Variants in LTV1 observed in about 807,000 individuals in gnomAD.
LTV1 encodes the protein LTV1 ribosome biogenesis factor, also known as protein LTV1 homolog.
Under a neutral mutation model 59.9 loss-of-function variants are expected in LTV1, and 39 were observed. The ratio of observed to expected loss-of-function variants is 0.65; its 90% CI spans 0.50 to 0.85. The LOEUF (loss-of-function observed/expected upper bound fraction) is 0.85, where lower values mean the gene tolerates loss of function less well. Among genes scored for constraint, LTV1 ranks in the 40% least tolerant of loss-of-function variants. LTV1 has a pLI of 0.00. For synonymous variants in LTV1, 171 were observed against 189.5 expected (o/e 0.90, Z 0.80); for missense variants, 493 against 549.1 (o/e 0.90, Z 1.02).
chr6:143,861,553 G>A (rs1362065653), intron 7 of LTV1, among the ~76,000 whole-genome samples: 1 of 152,162 alleles, frequency 6.6e-6, no homozygotes, highest in Non-Finnish European at 1.5e-5. Flanking sequence ...GAAATGCCAG[G>A]TGTTCTGAGA....
chr6:143,848,722 G>A lies in LTV1; in HGVS notation c.310-1409G>A, dbSNP rs186425557. On this transcript the variant is annotated intron_variant, in intron 3 of 10. Coordinates refer to ENST00000367576, the MANE Select transcript of LTV1 (RefSeq NM_032860.5). ...AGCACATGTTTGAGTAGATTGCAGC[G>A]TGTGAAGAAGGCGGGAAGTTCACAC... is the stretch of plus-strand genomic sequence containing the variant. 6.6e-4 allele frequency among the ~76,000 whole-genome samples: 100 copies of A among 152,312 alleles called. 2 individuals are homozygous for A. Among genetic ancestry groups the A allele is most frequent in the African/African-American group, 2.0e-3 (84 of 41,566 alleles).
In LTV1 at chr6:143,863,383, G is replaced by C. The variant is rs1777206770; in HGVS notation, c.1318-34G>C. 1 of 1,592,900 alleles carries C rather than the reference G, an allele frequency of 6.3e-7. No homozygotes were observed. Among genetic ancestry groups the C allele is most frequent in the African/African-American group, 1.3e-5 (1 of 74,294 alleles). On this transcript the variant is annotated intron_variant, in intron 10 of 10. Coordinates refer to ENST00000367576, the MANE Select transcript of LTV1 (RefSeq NM_032860.5). This position sits in a 1 kb window ranked among gnomAD's most constrained non-coding sequence, Gnocchi z 4.5. ...GCAGTCTGTATCAGTTTAAAGATGT[G>C]AATAATACAAGTATATTCTTGTACT... is the stretch of plus-strand genomic sequence containing the variant.
chr6:143,845,936 C>G, intron 2 of LTV1, 115 bp from the exon 3 acceptor site: 1 of 898,902 alleles, frequency 1.1e-6, no homozygotes, highest in Non-Finnish European at 1.6e-6. Flanking sequence ...CCATCTGCCT[C>G]CTACTTGGAA....
intron 4 of LTV1, among the ~76,000 whole-genome samples, chr6:143,853,187 CTTGTAAG>C (rs2128491486): frequency 6.6e-6 from 1 of 152,264 alleles, no homozygotes; most frequent in Non-Finnish European, 1.5e-5. Context: ...CTTCACATCC[CTTGTAAG>C]TTGGATTCCT....
intron 2 of LTV1, 91 bp downstream of exon 2, chr6:143,844,708 T>C (rs566892232): frequency 7.4e-7 from 1 of 1,359,904 alleles, no homozygotes; most frequent in Admixed American, 2.5e-5. Context: ...TCTTAGCACG[T>C]TGCCCAGGCT....
At position 143,860,460 on chromosome 6, in the gene LTV1, C is replaced by A. The variant is rs1777143575; in HGVS notation, c.830C>A (p.Ala277Asp). The A allele has an allele frequency of 6.2e-7, 1 of 1,613,108 alleles. No individual in the cohort carries two copies. The highest frequency in any genetic ancestry group is 8.5e-7 in the Non-Finnish European group (1 of 1,179,580). Residue 277 changes from alanine to aspartate, a missense_variant, in exon 7 of 11, where the codon GCT becomes GAT. Ala to Asp is a moderately radical substitution (Grantham distance 126). Coordinates refer to ENST00000367576, the MANE Select transcript of LTV1 (RefSeq NM_032860.5). ...CAATATGATGATGATGAAATTGGAG[C>A]TCTGGATAATGCAGAATTGGAAGGT... ...YEQYDDDEIG[A>D]LDNAELEGSI...
Position 143,862,315 on chromosome 6 carries a change from C to T in LTV1, c.1063+72C>T. On this transcript the variant is annotated intron_variant, in intron 8 of 10. Coordinates refer to ENST00000367576, the MANE Select transcript of LTV1 (RefSeq NM_032860.5). This position sits in a 1 kb window ranked among gnomAD's most constrained non-coding sequence, Gnocchi z 4.2. ...ATCAACTTTAGGCTGGGTGCGGTGC[C>T]TCACGCCTGTAGTAATCCCAGCACT... 5.8e-6 allele frequency: 8 copies of T among 1,383,426 alleles called. No homozygotes were observed. The Admixed American group carries it at 7.4e-5, about 13-fold the overall frequency. The allele number at this position is 1,383,426 out of a possible 1,614,324, so 85.7% of individuals were successfully genotyped here. A position where few individuals can be genotyped will look rare whatever the true frequency, so the allele number is the denominator to read the frequency against.
Position 143,844,474 on chromosome 6 carries a change from G to C in LTV1, c.4-12G>C. The C allele has an allele frequency of 6.2e-7, 1 of 1,612,212 alleles. No homozygotes were observed. Among genetic ancestry groups the C allele is most frequent in the Non-Finnish European group, 8.5e-7 (1 of 1,179,058 alleles). Reference sequence around the variant, plus strand: ...TGTTTTAATTAATTGTTGTGATTTTGTTCCTTTGAAGCCTCACAGGAAGAA... The same window carrying C: ...TGTTTTAATTAATTGTTGTGATTTTCTTCCTTTGAAGCCTCACAGGAAGAA... On this transcript the variant is annotated splice_polypyrimidine_tract_variant and intron_variant, in intron 1 of 10. Transcript: ENST00000367576.
rs891655422 is a variant in LTV1, at chr6:143,857,006, C to T, written c.398-297C>T. The stretch of plus-strand genomic sequence containing the variant: ...TCTCTTCAGAGCCGGCAGGCAGGAA[C>T]GTTTGAGTCTGCTGAAGCTGTGCCC... On this transcript the variant is annotated intron_variant, in intron 4 of 10. Coordinates refer to ENST00000367576, the MANE Select transcript of LTV1 (RefSeq NM_032860.5). The surrounding 1 kb of genome is among the most constrained non-coding windows in gnomAD (Gnocchi z 5.2). Among the ~76,000 whole-genome samples the T allele has an allele frequency of 2.0e-5, 3 of 152,150 alleles. No individual in the cohort carries two copies. The highest frequency in any genetic ancestry group is 7.2e-5 in the African/African-American group (3 of 41,448).
At position 143,860,438 on chromosome 6, in the gene LTV1, TATG is replaced by T. The variant is rs1254616943; in HGVS notation, c.819_821del (p.Asp273del). 4.3e-6 allele frequency: 7 copies of T among 1,613,100 alleles called. No homozygotes were observed. Among genetic ancestry groups the T allele is most frequent in the Non-Finnish European group, 4.2e-6 (5 of 1,179,558 alleles). On this transcript the variant is annotated inframe_deletion, in exon 7 of 11. Coordinates refer to ENST00000367576, the MANE Select transcript of LTV1 (RefSeq NM_032860.5). ...GTTTATATTCAAGTTTTATGAGCAA[TATG>T]ATGATGATGAAATTGGAGCTCTGGA...
intron 7 of LTV1, 136 bp downstream of exon 7, chr6:143,860,689 G>A: frequency 1.4e-6 from 1 of 723,586 alleles, no homozygotes; most frequent in Non-Finnish European, 2.0e-6. Flanking sequence ...AATGAAAAAG[G>A]AAAAAAGAAA....
rs926401385 is a variant in LTV1, at chr6:143,855,237, G to C, written c.398-2066G>C. ...GTGTTTTTTGATCTTTGTTGGTTTA[G>C]AGTCTGTTTTATCAGAGACTAGGAT... On this transcript the variant is annotated intron_variant, in intron 4 of 10. Coordinates refer to ENST00000367576, the MANE Select transcript of LTV1 (RefSeq NM_032860.5). The surrounding 1 kb of genome is among the most constrained non-coding windows in gnomAD (Gnocchi z 4.6). 2.0e-5 allele frequency among the ~76,000 whole-genome samples: 3 copies of C among 151,980 alleles called. No homozygotes were observed. Among genetic ancestry groups the C allele is most frequent in the African/African-American group, 7.2e-5 (3 of 41,388 alleles).
intron 6 of LTV1, among the ~76,000 whole-genome samples, chr6:143,859,046 T>G (rs769295615): frequency 2.0e-5 from 3 of 152,208 alleles, no homozygotes; most frequent in Admixed American, 1.3e-4. Flanking sequence ...ATCCTGATTC[T>G]GAATTTCTCC....
Position 143,844,581 on chromosome 6 carries a change from G to A in LTV1, c.99G>A (p.Glu33=), listed in dbSNP as rs1280834692. 6.2e-7 allele frequency: 1 copy of A among 1,613,896 alleles called. No homozygotes were observed. Among genetic ancestry groups the A allele is most frequent in the African/African-American group, 1.3e-5 (1 of 74,890 alleles). Residue 33 remains glutamate, a synonymous_variant, in exon 2 of 11, where the codon GAG becomes GAA. Coordinates refer to ENST00000367576, the MANE Select transcript of LTV1 (RefSeq NM_032860.5). ...AACGAGATCCTTTAGCAGCAGATGA[G>A]AGTGCACCCCAGAGGGTTCTATTGC... ...RSQRDPLAAD[E]SAPQRVLLPT...
intron 1 of LTV1, 24 bp from the exon 2 acceptor site, chr6:143,844,462 T>C (rs1406728438): frequency 6.2e-7 from 1 of 1,610,978 alleles, no homozygotes; most frequent in East Asian, 2.2e-5. Flanking sequence ...TTTAATTAAT[T>C]GTTGTGATTT....
chr6:143,849,130 G>C (rs1157370419), intron 3 of LTV1, among the ~76,000 whole-genome samples: 1 of 152,156 alleles, frequency 6.6e-6, no homozygotes, highest in African/African-American at 2.4e-5. Context: ...GGGTATGAAG[G>C]TTGTAGTAGA....
intron 6 of LTV1, chr6:143,858,387 T>G (rs909798910): frequency 5.3e-6 from 1 of 189,858 alleles, no homozygotes; most frequent in African/African-American, 2.3e-5. Flanking sequence ...ACAACTCACT[T>G]GAGTTTCTAT....
At position 143,844,633 on chromosome 6, in the gene LTV1, T is replaced by C; in HGVS notation, c.135+16T>C. 1 of 1,603,636 alleles carries C rather than the reference T, an allele frequency of 6.2e-7. No homozygotes were observed. The highest frequency in any genetic ancestry group is 8.5e-7 in the Non-Finnish European group (1 of 1,177,012). On this transcript the variant is annotated intron_variant, in intron 2 of 10. Transcript: ENST00000367576. ...CACACAAAAAGTAGGTCCTGTTCTT[T>C]AGCCAGTCAGTTTGTAGGTAGACAA...
chr6:143,850,928 G>A (rs1052437205), intron 4 of LTV1, among the ~76,000 whole-genome samples: 2 of 152,014 alleles, frequency 1.3e-5, no homozygotes, highest in Non-Finnish European at 2.9e-5. Context: ...AGTGGGGTGA[G>A]TAGCACCAAA....
Sources: allele counts gnomAD v4.1 joint callset (sites outside exome capture counted in the v4.1 genomes callset), GRCh38; gene constraint gnomAD v4.1.1; non-coding constraint Gnocchi (gnomAD v3.1); transcripts MANE v1.5; gene names NCBI Gene and HGNC (gene_info 2026-07-23, HGNC 2026-07-21).